The following PLD5 variants were observed in gnomAD, a reference collection of about 807,000 sequenced individuals.
PLD5 encodes the protein phospholipase D family member 5, also known as inactive phospholipase D5.
A neutral mutation model predicts 61.1 loss-of-function variants in PLD5; 36 were observed. That is an observed-to-expected ratio of 0.59 (90% CI 0.45 to 0.78). The LOEUF (loss-of-function observed/expected upper bound fraction) is 0.78. PLD5 is among the 30% of genes least tolerant of loss of function. PLD5 has a pLI of 0.00. For missense variants in PLD5, 515 were observed against 644.4 expected (o/e 0.80, Z 2.17); for synonymous variants, 243 against 242.8 (o/e 1.00, Z -0.01).
At chr1:242,219,060 G>T (rs1670398096) in intron 5 of PLD5, among the ~76,000 whole-genome samples, 1 of 152,160 alleles carries the variant, frequency 6.6e-6, no homozygotes, top group Non-Finnish European at 1.5e-5. Context: ...CTATAAAGCT[G>T]ATAACATAGG....
intron 1 of PLD5, chr1:242,449,617 C>T (rs1666699547): frequency 9.9e-7 from 1 of 1,013,682 alleles, no homozygotes; most frequent in Non-Finnish European, 1.4e-6. Context: ...AACATAGGCC[C>T]CTCATTTAGC....
chr1:242,203,257 C>T lies in PLD5; in HGVS notation c.735+16731G>A, dbSNP rs138729599. ...TCCTCACTTCTGGTTAGCCCACCTA[C>T]GGCTTCCCCATCCCACAGCCTCCAA... On this transcript the variant is annotated intron_variant, in intron 5 of 9. Transcript: ENST00000536534. Among the ~76,000 whole-genome samples, 44 of 152,288 alleles carry T rather than the reference C, an allele frequency of 2.9e-4. No homozygotes were observed. The East Asian group carries it at 3.5e-3, about 12-fold the overall frequency.
chr1:242,330,685 C>G (rs150955981), intron 2 of PLD5, among the ~76,000 whole-genome samples: 5 of 152,230 alleles, frequency 3.3e-5, no homozygotes, highest in African/African-American at 1.2e-4. Context: ...AAATCCCACC[C>G]ATTGAACATT....
chr1:242,490,061 G>A (rs911291024), intron 1 of PLD5, among the ~76,000 whole-genome samples: 3 of 152,192 alleles, frequency 2.0e-5, no homozygotes, highest in Non-Finnish European at 2.9e-5. Flanking sequence ...TGGCAGTCCC[G>A]TCTGTGCAAG....
chr1:242,162,694 T>G (rs1351863776), intron 5 of PLD5, among the ~76,000 whole-genome samples: 1 of 150,358 alleles, frequency 6.7e-6, no homozygotes, highest in Non-Finnish European at 1.5e-5. Context: ...TCTTTCACGA[T>G]CAAAGCCGTG....
intron 4 of PLD5, among the ~76,000 whole-genome samples, chr1:242,250,991 G>A (rs943644698): frequency 2.3e-4 from 35 of 152,166 alleles, no homozygotes; most frequent in Admixed American, 1.5e-3. Context: ...TTAGCTCTAG[G>A]TTTCTTTGCG....
intron 1 of PLD5, among the ~76,000 whole-genome samples, chr1:242,433,498 T>C (rs1439178110): frequency 6.6e-6 from 1 of 152,210 alleles, no homozygotes; most frequent in Non-Finnish European, 1.5e-5. Flanking sequence ...CCACTTAATA[T>C]ATTGAGGATA....
In PLD5 at chr1:242,107,689, G is replaced by A; in HGVS notation, c.1221C>T (p.Ala407=). 1.3e-6 allele frequency: 2 copies of A among 1,590,968 alleles called. No homozygotes were observed. Among genetic ancestry groups the A allele is most frequent in the Non-Finnish European group, 1.7e-6 (2 of 1,173,644 alleles). ...TACTTACAACTTTCAAACTGCAGTT[G>A]GCTATTTCAGTGCAAATCGCTTTAA... ...SSLKAICTEI[A]NCSLKVKFFD... is the part of the protein sequence containing the mutation. Residue 407 remains alanine, a synonymous_variant, in exon 8 of 10, where the codon GCC becomes GCT. Transcript: ENST00000536534.
At chr1:242,308,459 C>T (rs1676504172) in intron 2 of PLD5, among the ~76,000 whole-genome samples, 1 of 152,048 alleles carries the variant, frequency 6.6e-6, no homozygotes, top group Admixed American at 6.6e-5. Flanking sequence ...TTAAAGGTAC[C>T]TTCCAGAGTT....
intron 1 of PLD5, among the ~76,000 whole-genome samples, chr1:242,463,318 G>C (rs1354468915): frequency 1.3e-5 from 2 of 152,150 alleles, no homozygotes; most frequent in Non-Finnish European, 2.9e-5. Context: ...TGTTGCACTT[G>C]CTTGTCATCC....
At chr1:242,517,172 T>C (rs1209152743) in intron 1 of PLD5, among the ~76,000 whole-genome samples, 2 of 149,358 alleles carry the variant, frequency 1.3e-5, no homozygotes, top group Admixed American at 1.3e-4. Context: ...ACATTTTCAA[T>C]TCTTATATTT....
chr1:242,116,842 G>A (rs1315004360), intron 6 of PLD5, among the ~76,000 whole-genome samples: 1 of 152,040 alleles, frequency 6.6e-6, no homozygotes, highest in East Asian at 1.9e-4. Flanking sequence ...CTTTTGGAAT[G>A]AGGATGAACT....
At chr1:242,394,880 A>T (rs1572056016) in intron 1 of PLD5, among the ~76,000 whole-genome samples, 1 of 96,020 alleles carries the variant, frequency 1.0e-5, no homozygotes, top group Admixed American at 1.5e-4. Flanking sequence ...ATATATATGA[A>T]TATATGTATA....
intron 1 of PLD5, among the ~76,000 whole-genome samples, chr1:242,441,007 C>A (rs1666249547): frequency 6.6e-6 from 1 of 152,056 alleles, no homozygotes; most frequent in Non-Finnish European, 1.5e-5. Context: ...GGAAAAGCAT[C>A]CATGTCCATT....
chr1:242,491,381 G>A (rs1286629834), intron 1 of PLD5, among the ~76,000 whole-genome samples: 2 of 152,200 alleles, frequency 1.3e-5, no homozygotes, highest in Admixed American at 6.5e-5. Context: ...ATGAAGAAAC[G>A]TGTGCATGTG....
chr1:242,107,465 G>T (rs1200477435), intron 8 of PLD5, among the ~76,000 whole-genome samples: 1 of 149,434 alleles, frequency 6.7e-6, no homozygotes, highest in Non-Finnish European at 1.5e-5. Context: ...GTGAGAAGAG[G>T]GCTGGACGGA....
At position 242,318,272 on chromosome 1, in the gene PLD5, C is replaced by T. The variant is rs567402588; in HGVS notation, c.327-29742G>A. ...AAAAAGAGGACCAGAGGTGGGATGG[C>T]CTGCAGAGGGCATGTTCTTCTACAG... On this transcript the variant is annotated intron_variant, in intron 2 of 9. Coordinates refer to ENST00000536534, the MANE Select transcript of PLD5 (RefSeq NM_001372062.1). Among the ~76,000 whole-genome samples, 9 of 152,226 alleles carry T rather than the reference C, an allele frequency of 5.9e-5. 1 individual carries two copies. The South Asian group carries it at 1.9e-3, about 32-fold the overall frequency.
chr1:242,167,144 A>G (rs1162297916), intron 5 of PLD5, among the ~76,000 whole-genome samples: 2 of 150,758 alleles, frequency 1.3e-5, no homozygotes, highest in Non-Finnish European at 3.0e-5. Flanking sequence ...CTAGTTGGCT[A>G]TAACAGGGTC....
intron 5 of PLD5, among the ~76,000 whole-genome samples, chr1:242,194,378 A>G (rs989836185): frequency 2.0e-5 from 3 of 152,196 alleles, no homozygotes; most frequent in Admixed American, 1.3e-4. Flanking sequence ...TTAAAGAACT[A>G]AAAGTAGAAC....
Sources: gnomAD v4.1 joint callset for allele counts (sites outside exome capture counted in the v4.1 genomes callset) on GRCh38, gnomAD v4.1.1 for gene constraint, MANE v1.5 for transcripts, NCBI Gene and HGNC (gene_info 2026-07-23, HGNC 2026-07-21) for gene names.